The following DYNC1I1 variants were observed in gnomAD, a reference collection of about 807,000 sequenced individuals.
DYNC1I1 encodes dynein cytoplasmic 1 intermediate chain 1, also known as cytoplasmic dynein 1 intermediate chain 1.
A neutral mutation model predicts 86.6 loss-of-function variants in DYNC1I1; 43 were observed. The observed-to-expected ratio is 0.50, with a 90% CI of 0.39 to 0.64. The LOEUF (loss-of-function observed/expected upper bound fraction) is 0.64, where lower values mean the gene tolerates loss of function less well. Among genes scored for constraint, DYNC1I1 ranks in the 30% least tolerant of loss-of-function variants. DYNC1I1 has a pLI of 0.00. For missense variants in DYNC1I1, 604 were observed against 788.8 expected (o/e 0.77, Z 2.81); for synonymous variants, 262 against 283.7 (o/e 0.92, Z 0.77).
chr7:96,034,824 A>C (rs1050822199), intron 12 of DYNC1I1, among the ~76,000 whole-genome samples: 1 of 152,188 alleles, frequency 6.6e-6, no homozygotes, highest in African/African-American at 2.4e-5. Context: ...ACTCTCAAGC[A>C]ACTATAATGA....
chr7:95,986,407 T>C lies in DYNC1I1; in HGVS notation c.744-649T>C, dbSNP rs74522008. The stretch of plus-strand genomic sequence containing the variant: ...ACTGAGTTCCTTGAAGGAGGTGTTA[T>C]GGCCAGTTGAGTGTCAGCCAAGTAA... On this transcript the variant is annotated intron_variant, in intron 8 of 16. Coordinates refer to ENST00000447467, the MANE Select transcript of DYNC1I1 (RefSeq NM_001135556.2). 1.1e-3 allele frequency among the ~76,000 whole-genome samples: 171 copies of C among 152,272 alleles called. 1 individual carries two copies. In the East Asian group the frequency reaches 0.012, roughly 11 times the overall value.
At chr7:95,938,500 A>G (rs1792110457) in intron 6 of DYNC1I1, among the ~76,000 whole-genome samples, 1 of 152,160 alleles carries the variant, frequency 6.6e-6, no homozygotes, top group Non-Finnish European at 1.5e-5. Flanking sequence ...TTGCTTTGGA[A>G]TCTTTTTATT....
At chr7:95,897,446 AT>A (rs200728895) in intron 6 of DYNC1I1, among the ~76,000 whole-genome samples, 3,329 of 106,114 alleles carry the variant, frequency 0.031, 52 homozygotes, top group East Asian at 0.043. Context: ...ATTGACCATG[AT>A]TTTTTTTTTT....
At chr7:95,988,881 T>C (rs1793661589) in intron 9 of DYNC1I1, among the ~76,000 whole-genome samples, 1 of 152,140 alleles carries the variant, frequency 6.6e-6, no homozygotes, top group African/African-American at 2.4e-5. Flanking sequence ...CATGACATAT[T>C]TGAAGAAGTT....
At chr7:95,994,819 T>C (rs1013647043) in intron 9 of DYNC1I1, among the ~76,000 whole-genome samples, 1 of 152,220 alleles carries the variant, frequency 6.6e-6, no homozygotes, top group Non-Finnish European at 1.5e-5. Flanking sequence ...AAGCCATTTA[T>C]GAAGCTGCTG....
At chr7:96,060,223 C>A (rs2116161732) in intron 14 of DYNC1I1, among the ~76,000 whole-genome samples, 1 of 152,274 alleles carries the variant, frequency 6.6e-6, no homozygotes, top group African/African-American at 2.4e-5. Context: ...AAGAACCACC[C>A]TCCTGTGGCA....
intron 16 of DYNC1I1, among the ~76,000 whole-genome samples, chr7:96,084,106 G>T (rs1376796074): frequency 6.6e-6 from 1 of 152,006 alleles, no homozygotes; most frequent in Non-Finnish European, 1.5e-5. Context: ...CCAAGACCTT[G>T]TTCCACAAGT....
At chr7:95,956,689 A>T (rs1792724932) in intron 6 of DYNC1I1, among the ~76,000 whole-genome samples, 1 of 152,182 alleles carries the variant, frequency 6.6e-6, no homozygotes, top group South Asian at 2.1e-4. Flanking sequence ...AGCTTCATCC[A>T]TGTCCCTGCA....
At chr7:95,871,094 T>C (rs1790151188) in intron 6 of DYNC1I1, among the ~76,000 whole-genome samples, 1 of 152,158 alleles carries the variant, frequency 6.6e-6, no homozygotes, top group Non-Finnish European at 1.5e-5. Context: ...AGGTTTTCAG[T>C]TTTGGTTCTA....
intron 6 of DYNC1I1, among the ~76,000 whole-genome samples, chr7:95,881,536 G>A (rs1790454880): frequency 2.6e-5 from 4 of 152,216 alleles, no homozygotes. Flanking sequence ...CCTAAAGGAA[G>A]GTAGTTCTTG....
chr7:96,079,015 T>G (rs1009388493), intron 15 of DYNC1I1, among the ~76,000 whole-genome samples: 5 of 148,202 alleles, frequency 3.4e-5, no homozygotes, highest in African/African-American at 1.2e-4. Context: ...CGGGGACTTT[T>G]GGGGTTTTTT....
At chr7:95,842,489 G>C (rs547076439) in intron 5 of DYNC1I1, among the ~76,000 whole-genome samples, 5 of 152,322 alleles carry the variant, frequency 3.3e-5, no homozygotes, top group African/African-American at 1.2e-4. Flanking sequence ...GGGGACTGCA[G>C]ATATAGCTTG....
At chr7:95,977,828 C>T (rs1235019051) in intron 7 of DYNC1I1, among the ~76,000 whole-genome samples, 1 of 152,178 alleles carries the variant, frequency 6.6e-6, no homozygotes, top group Non-Finnish European at 1.5e-5. Context: ...AAAACGTCCA[C>T]AATTTCAGTA....
At chr7:96,072,191 C>T (rs1049582878) in intron 14 of DYNC1I1, among the ~76,000 whole-genome samples, 9 of 152,156 alleles carry the variant, frequency 5.9e-5, no homozygotes, top group African/African-American at 1.2e-4. Context: ...GGGAGGTGAC[C>T]GGTAGCCCGC....
At chr7:96,097,228 G>C (rs1012150367) in intron 16 of DYNC1I1, among the ~76,000 whole-genome samples, 1 of 152,142 alleles carries the variant, frequency 6.6e-6, no homozygotes, top group Non-Finnish European at 1.5e-5. Context: ...TAATTGTATA[G>C]TTTGCATAGG....
intron 1 of DYNC1I1, among the ~76,000 whole-genome samples, chr7:95,780,587 CT>C (rs1793967065): frequency 1.3e-5 from 2 of 152,018 alleles, no homozygotes; most frequent in Admixed American, 6.6e-5. Flanking sequence ...CTCACTTTCC[CT>C]TTTAGAATAC....
At chr7:95,880,494 T>G (rs6967902) in intron 6 of DYNC1I1, among the ~76,000 whole-genome samples, 59,392 of 151,856 alleles carry the variant, frequency 0.39, 12,040 homozygotes, top group African/African-American at 0.49. Flanking sequence ...TTCTTCTCCT[T>G]TGTGCCATGA....
intron 5 of DYNC1I1, among the ~76,000 whole-genome samples, chr7:95,861,936 C>T (rs1446561294): frequency 6.6e-6 from 1 of 152,108 alleles, no homozygotes; most frequent in African/African-American, 2.4e-5. Flanking sequence ...TCTCTTTTTC[C>T]CTGTTCAATA....
Position 96,017,755 on chromosome 7 carries a change from T to C in DYNC1I1, c.970-10420T>C, listed in dbSNP as rs192192003. Among the ~76,000 whole-genome samples, 349 of 152,274 alleles carry C rather than the reference T, an allele frequency of 2.3e-3. 2 individuals carry two copies. Among genetic ancestry groups the C allele is most frequent in the African/African-American group, 7.9e-3 (330 of 41,560 alleles). ...ATAAATAATAATTCATATAATTATTTTGAGGAATAGACACACTCAATTTCA... is the reference window on the plus strand; with the variant it reads ...ATAAATAATAATTCATATAATTATTCTGAGGAATAGACACACTCAATTTCA... On this transcript the variant is annotated intron_variant, in intron 10 of 16. Coordinates refer to ENST00000447467, the MANE Select transcript of DYNC1I1 (RefSeq NM_001135556.2).
Sources: gnomAD v4.1 joint callset for allele counts (sites outside exome capture counted in the v4.1 genomes callset) on GRCh38, gnomAD v4.1.1 for gene constraint, MANE v1.5 for transcripts, NCBI Gene and HGNC (gene_info 2026-07-23, HGNC 2026-07-21) for gene names.